The following ODF2L variants were observed in gnomAD, a reference collection of about 807,000 sequenced individuals.
ODF2L encodes the protein outer dense fiber of sperm tails 2 like.
Under a neutral mutation model 86.3 loss-of-function variants are expected in ODF2L, and 76 were observed. The ratio of observed to expected loss-of-function variants is 0.88; its 90% CI spans 0.73 to 1.07. The LOEUF (loss-of-function observed/expected upper bound fraction) is 1.07, where lower values mean the gene tolerates loss of function less well. ODF2L is among the 50% of genes least tolerant of loss of function. The pLI is 0.00. For synonymous variants in ODF2L, 241 were observed against 231.3 expected (o/e 1.04, Z -0.38); for missense variants, 748 against 717.4 (o/e 1.04, Z -0.49).
At chr1:86,358,838 C>T in exon 13 of ODF2L, 1 of 1,548,886 alleles carries the variant, frequency 6.5e-7, no homozygotes, top group Non-Finnish European at 8.7e-7. Context: ...TTTTATGTAG[C>T]AAATTTTCAC....
intron 14 of ODF2L, chr1:86,355,284 TAAATA>T (rs1419615204): frequency 9.1e-7 from 1 of 1,092,988 alleles, no homozygotes; most frequent in Non-Finnish European, 1.3e-6. Flanking sequence ...GTCGAAACTG[TAAATA>T]AAATACATAT....
intron 16 of ODF2L, among the ~76,000 whole-genome samples, chr1:86,353,742 C>T (rs1457426385): frequency 6.6e-6 from 1 of 152,120 alleles, no homozygotes; most frequent in African/African-American, 2.4e-5. Flanking sequence ...CACAATTATG[C>T]ATGAGAGATG....
intron 13 of ODF2L, 109 bp from the exon 13 acceptor site, chr1:86,356,711 G>T: frequency 1.2e-6 from 1 of 834,968 alleles, no homozygotes; most frequent in Non-Finnish European, 1.7e-6. Flanking sequence ...TAGGTATAAT[G>T]GCTTTAAATA....
At chr1:86,347,279 G>A (rs1421516303), downstream of ODF2L, 2 of 152,116 alleles carry the variant, frequency 1.3e-5, no homozygotes, top group Non-Finnish European at 2.9e-5. Context: ...TCAACTGAGT[G>A]CCCAGATATT....
chr1:86,353,993 A>T (rs1188322951), intron 16 of ODF2L, among the ~76,000 whole-genome samples: 2 of 152,200 alleles, frequency 1.3e-5, no homozygotes, highest in African/African-American at 2.4e-5. Context: ...CATTTCCAAA[A>T]TGCACTTAGG....
rs1235746316 is a variant in ODF2L at position 86,382,365 on chromosome 1, CAAAGAGAAAGAGAAAACCAAAA to C, written c.508-29_508-8del. The stretch of plus-strand genomic sequence containing the variant: ...TTGCTTTCAAAGTATTTGCCTGTAA[CAAAGAGAAAGAGAAAACCAAAA>C]AAATCCATATTATTTGCTGTATCCC... On this transcript the variant is annotated splice_region_variant and splice_polypyrimidine_tract_variant and intron_variant, in intron 6 of 17. Transcript: ENST00000317336. 6.2e-7 allele frequency: 1 copy of C among 1,608,302 alleles called. No homozygotes were observed. Among genetic ancestry groups the C allele is most frequent in the Non-Finnish European group, 8.5e-7 (1 of 1,177,960 alleles).
chr1:86,352,058 G>A lies in ODF2L; in HGVS notation c.*133C>T, dbSNP rs373569147. 5.8e-4 allele frequency: 773 copies of A among 1,330,758 alleles called. 1 individual carries two copies. In the South Asian group the frequency reaches 7.1e-3, roughly 12 times the overall value. The allele number at this position is 1,330,758 out of a possible 1,614,324, so 82.4% of individuals were successfully genotyped here. A position where few individuals can be genotyped will look rare whatever the true frequency, so the allele number is the denominator to read the frequency against. On this transcript the variant is annotated 3_prime_UTR_variant, in exon 18 of 18. Transcript: ENST00000317336. Reference sequence around the variant, plus strand: ...CTGTGCTAAATTAAAGGTGATCGACGTTTTGTTCTGACTAAGTTGTCATGA... The same window carrying A: ...CTGTGCTAAATTAAAGGTGATCGACATTTTGTTCTGACTAAGTTGTCATGA...
intron 1 of ODF2L, among the ~76,000 whole-genome samples, chr1:86,387,436 C>T (rs756988140): frequency 3.3e-5 from 5 of 152,176 alleles, no homozygotes; most frequent in Non-Finnish European, 5.9e-5. Flanking sequence ...TATAGTCTGT[C>T]TTATTAGGCC....
chr1:86,385,391 C>A (rs962803511), intron 3 of ODF2L, 67 bp downstream of exon 3: 1 of 939,016 alleles, frequency 1.1e-6, no homozygotes, highest in African/African-American at 1.7e-5. Context: ...AGATATGAGA[C>A]CTCAGTTAAT....
chr1:86,367,248 G>A (rs1344848959), intron 11 of ODF2L, among the ~76,000 whole-genome samples: 1 of 152,144 alleles, frequency 6.6e-6, no homozygotes, highest in Non-Finnish European at 1.5e-5. Flanking sequence ...TAATCATAAT[G>A]AGGACAGAAT....
intron 7 of ODF2L, among the ~76,000 whole-genome samples, chr1:86,380,423 C>T (rs1416282673): frequency 6.6e-6 from 1 of 152,018 alleles, no homozygotes; most frequent in Admixed American, 6.6e-5. Context: ...AAGGAACATC[C>T]CACAGGAAAC....
intron 2 of ODF2L, chr1:86,386,704 T>C (rs1341095814): frequency 2.4e-6 from 1 of 413,564 alleles, no homozygotes; most frequent in Non-Finnish European, 4.2e-6. Context: ...TCATTTTTAA[T>C]TGCTTTCATT....
intron 1 of ODF2L, chr1:86,395,803 G>A (rs1034017749): frequency 6.6e-6 from 1 of 152,252 alleles, no homozygotes; most frequent in Non-Finnish European, 1.5e-5. Context: ...TGATGTCCCG[G>A]GGACCACACC....
Position 86,384,689 on chromosome 1 carries a change from CTCTT to C in ODF2L, c.355_358del (p.Lys119GlufsTer15), listed in dbSNP as rs769136897. 1.0e-4 allele frequency: 151 copies of C among 1,491,770 alleles called. No homozygotes were observed. In the African/African-American group the frequency reaches 1.3e-3, roughly 12 times the overall value. 92.4% of individuals were successfully genotyped at this position (1,491,770 alleles called of 1,614,324 possible). On this transcript the variant is annotated frameshift_variant, in exon 4 of 18. Coordinates refer to ENST00000317336, the Ensembl canonical transcript of ODF2L. LOFTEE classifies it high-confidence loss of function. ...TTGATGCCTTACTTGTTTGTAGTCT[CTCTT>C]TCTAAGAAGATGTTCTAAAGCTAGT...
At chr1:86,382,153 C>T in intron 7 of ODF2L, 89 bp downstream of exon 7, 2 of 1,402,194 alleles carry the variant, frequency 1.4e-6, no homozygotes, top group Non-Finnish European at 9.3e-7. Flanking sequence ...ATTTTAAAAC[C>T]ACCAAATTCT....
At chr1:86,359,474 C>CT (rs1658859607) in intron 12 of ODF2L, among the ~76,000 whole-genome samples, 2 of 151,612 alleles carry the variant, frequency 1.3e-5, no homozygotes, top group Non-Finnish European at 2.9e-5. Flanking sequence ...CCCCTTCCTA[C>CT]TTGCCCACAC....
At chr1:86,392,501 G>A (rs1450268377) in intron 1 of ODF2L, among the ~76,000 whole-genome samples, 5 of 151,864 alleles carry the variant, frequency 3.3e-5, no homozygotes, top group South Asian at 2.1e-4. Flanking sequence ...ATAAATTAAC[G>A]GCATTCACAG....
intron 7 of ODF2L, among the ~76,000 whole-genome samples, chr1:86,376,667 C>T (rs1019443661): frequency 1.3e-5 from 2 of 152,124 alleles, no homozygotes; most frequent in Non-Finnish European, 2.9e-5. Flanking sequence ...ACCTTCTTCA[C>T]ATGGCGACAG....
chr1:86,391,409 T>G (rs1488703711), intron 1 of ODF2L, among the ~76,000 whole-genome samples: 1 of 152,016 alleles, frequency 6.6e-6, no homozygotes, highest in African/African-American at 2.4e-5. Context: ...GACATCACAT[T>G]ACCCAACTTC....
Sources: allele counts gnomAD v4.1 joint callset (sites outside exome capture counted in the v4.1 genomes callset), GRCh38; gene constraint gnomAD v4.1.1; transcripts MANE v1.5; gene names NCBI Gene and HGNC (gene_info 2026-07-23, HGNC 2026-07-21).